The following NRXN3 variants were observed in gnomAD, a reference collection of about 807,000 sequenced individuals.
NRXN3 encodes the protein neurexin 3.
NRXN3 carries 32 observed loss-of-function variants against 137.6 expected under a neutral mutation model. That is an observed-to-expected ratio of 0.23 (90% CI 0.18 to 0.31). NRXN3 has a LOEUF of 0.31. NRXN3 is among the 10% of genes least tolerant of loss of function. NRXN3 has a pLI of 1.00. For synonymous variants in NRXN3, 798 were observed against 784.5 expected (o/e 1.02, Z -0.29); for missense variants, 1,574 against 2,062.5 (o/e 0.76, Z 4.59).
intron 8 of NRXN3, among the ~76,000 whole-genome samples, chr14:78,758,600 C>G (rs998947725): frequency 6.6e-6 from 1 of 152,232 alleles, no homozygotes; most frequent in African/African-American, 2.4e-5. Context: ...TTATGTATTG[C>G]AGTCGCTCTG....
intron 15 of NRXN3, among the ~76,000 whole-genome samples, chr14:79,299,169 C>T (rs1008326264): frequency 6.6e-6 from 1 of 152,154 alleles, no homozygotes; most frequent in Non-Finnish European, 1.5e-5. Flanking sequence ...ACCAGTTTTA[C>T]ATTTTGAAAA....
chr14:78,803,750 G>T lies in NRXN3; in HGVS notation c.2175G>T (p.Thr725=), dbSNP rs2288140. ...SQRAYGLLVA[T]TSRDSADTLR... ...GAGCTTATGGGCTGCTGGTGGCTAC[G>T]ACCTCCAGGGACTCTGCCGACACCC... The change falls in exon 9 of 21, where the codon ACG becomes ACT. Residue 725 remains threonine, a synonymous_variant. Coordinates refer to ENST00000335750, the MANE Select transcript of NRXN3 (RefSeq NM_001330195.2). 1 of 1,613,964 alleles carries T rather than the reference G, an allele frequency of 6.2e-7. No homozygotes were observed. The highest frequency in any genetic ancestry group is 1.7e-4 in the Middle Eastern group (1 of 6,060).
chr14:78,949,559 T>C, intron 10 of NRXN3, among the ~76,000 whole-genome samples: 1 of 151,948 alleles, frequency 6.6e-6, no homozygotes, highest in Non-Finnish European at 1.5e-5. Flanking sequence ...ATTACAAAGG[T>C]AGAATATTCT....
At chr14:79,192,076 A>G (rs1490205326) in intron 15 of NRXN3, among the ~76,000 whole-genome samples, 1 of 152,108 alleles carries the variant, frequency 6.6e-6, no homozygotes, top group African/African-American at 2.4e-5. Context: ...TTTAGCAGAG[A>G]TGGGGTTTCA....
At chr14:78,982,198 C>A (rs552362227) in intron 14 of NRXN3, among the ~76,000 whole-genome samples, 1 of 152,244 alleles carries the variant, frequency 6.6e-6, no homozygotes, top group Non-Finnish European at 1.5e-5. Context: ...TTACAAGAAC[C>A]ATTTTGCTTT....
intron 15 of NRXN3, among the ~76,000 whole-genome samples, chr14:79,053,074 C>T (rs1043842556): frequency 6.6e-6 from 1 of 152,142 alleles, no homozygotes; most frequent in Non-Finnish European, 1.5e-5. Context: ...CATCATGTTG[C>T]CACTATTTGC....
chr14:78,650,979 T>C (rs1349710007), intron 5 of NRXN3, among the ~76,000 whole-genome samples, 186 bp from the exon 6 acceptor site: 3 of 152,162 alleles, frequency 2.0e-5, no homozygotes, highest in African/African-American at 7.2e-5. Flanking sequence ...ACTGAAGGCT[T>C]GAGACCCAGG....
At chr14:78,715,644 T>C (rs959162770) in intron 8 of NRXN3, among the ~76,000 whole-genome samples, 25 of 152,158 alleles carry the variant, frequency 1.6e-4, no homozygotes, top group African/African-American at 5.8e-4. Flanking sequence ...CAGAGTGATG[T>C]ATTAGTTAAG....
At chr14:78,644,489 C>T (rs1203157702) in intron 4 of NRXN3, among the ~76,000 whole-genome samples, 2 of 152,126 alleles carry the variant, frequency 1.3e-5, no homozygotes, top group Non-Finnish European at 2.9e-5. Context: ...GTATTGCTGT[C>T]TTATCAAAAC....
intron 10 of NRXN3, among the ~76,000 whole-genome samples, chr14:78,854,778 T>G (rs559432341): frequency 6.6e-5 from 10 of 152,122 alleles, no homozygotes; most frequent in South Asian, 2.1e-4. Flanking sequence ...GAAATATATA[T>G]AGAGATATAT....
chr14:78,750,301 T>C (rs1451863393), intron 8 of NRXN3, among the ~76,000 whole-genome samples: 1 of 152,224 alleles, frequency 6.6e-6, no homozygotes, highest in Non-Finnish European at 1.5e-5. Context: ...CGATATATCC[T>C]GGGTTCATGA....
chr14:78,219,163 G>C (rs539635059), intron 1 of NRXN3, among the ~76,000 whole-genome samples: 80 of 151,928 alleles, frequency 5.3e-4, no homozygotes, highest in African/African-American at 1.9e-3. Flanking sequence ...GTGGGAGGGG[G>C]GATGCAGTTC....
chr14:78,925,587 G>A (rs1190529178), intron 10 of NRXN3, among the ~76,000 whole-genome samples: 1 of 152,214 alleles, frequency 6.6e-6, no homozygotes, highest in Non-Finnish European at 1.5e-5. Flanking sequence ...TGACCCCTCT[G>A]AAAGGAACGT....
chr14:78,294,767 G>C (rs1293095067), intron 3 of NRXN3, among the ~76,000 whole-genome samples: 1 of 152,144 alleles, frequency 6.6e-6, no homozygotes. Context: ...TGAAGTCCTT[G>C]ATCTTAACCC....
chr14:78,502,674 T>C (rs1234723060), intron 4 of NRXN3, among the ~76,000 whole-genome samples: 8 of 152,210 alleles, frequency 5.3e-5, no homozygotes, highest in African/African-American at 1.9e-4. Flanking sequence ...ATGGACCCAA[T>C]TTTACCTTAG....
chr14:79,861,036 C>T lies in NRXN3; in HGVS notation c.4094-306C>T. On this transcript the variant is annotated intron_variant, in intron 20 of 20. Coordinates refer to ENST00000335750, the MANE Select transcript of NRXN3 (RefSeq NM_001330195.2). This position sits in a 1 kb window ranked among gnomAD's most constrained non-coding sequence, Gnocchi z 5.4. ...TTGTTTTTCTTTTTCTTTTCCATCC[C>T]AGGAGGTGAATTAGTTATCCCTCTT... 7.2e-7 allele frequency: 1 copy of T among 1,393,116 alleles called. No homozygotes were observed. The highest frequency in any genetic ancestry group is 9.3e-7 in the Non-Finnish European group (1 of 1,074,004). The allele number at this position is 1,393,116 out of a possible 1,614,324, so 86.3% of individuals were successfully genotyped here.
intron 15 of NRXN3, among the ~76,000 whole-genome samples, chr14:79,109,050 T>C (rs1449186058): frequency 6.6e-6 from 1 of 152,240 alleles, no homozygotes; most frequent in African/African-American, 2.4e-5. Context: ...TAGAGCGTAC[T>C]ATTTCAATGT....
intron 10 of NRXN3, among the ~76,000 whole-genome samples, chr14:78,941,598 A>C (rs1269533152): frequency 6.6e-6 from 1 of 152,204 alleles, no homozygotes; most frequent in East Asian, 1.9e-4. Flanking sequence ...TCATCCATCC[A>C]GAAGGCAGTT....
chr14:78,634,507 AT>A (rs1277126692), intron 4 of NRXN3, among the ~76,000 whole-genome samples: 2 of 152,234 alleles, frequency 1.3e-5, no homozygotes, highest in Non-Finnish European at 1.5e-5. Flanking sequence ...TAGACGTTTT[AT>A]TGGCAGCAGA....
Sources: allele counts gnomAD v4.1 joint callset (sites outside exome capture counted in the v4.1 genomes callset), GRCh38; gene constraint gnomAD v4.1.1; non-coding constraint Gnocchi (gnomAD v3.1); transcripts MANE v1.5; gene names NCBI Gene and HGNC (gene_info 2026-07-23, HGNC 2026-07-21).